The following AGBL4 variants were observed in gnomAD, a reference collection of about 807,000 sequenced individuals.
AGBL4 encodes AGBL carboxypeptidase 4, also known as cytosolic carboxypeptidase 6.
A neutral mutation model predicts 66.4 loss-of-function variants in AGBL4; 58 were observed. That is an observed-to-expected ratio of 0.87 (90% CI 0.71 to 1.09). The LOEUF is 1.09. Among genes scored for constraint, AGBL4 ranks in the 50% least tolerant of loss-of-function variants. AGBL4 has a pLI of 0.00. For synonymous variants in AGBL4, 234 were observed against 222.9 expected, an observed-to-expected ratio of 1.05 and a Z score of -0.44; for missense variants, 579 against 631.0, an observed-to-expected ratio of 0.92 and a Z score of 0.88.
chr1:48,848,818 T>C (rs952098627), intron 6 of AGBL4, among the ~76,000 whole-genome samples: 5 of 152,202 alleles, frequency 3.3e-5, no homozygotes, highest in African/African-American at 1.2e-4. Flanking sequence ...CAACGTTCAA[T>C]GGAGCCGCAC....
rs184653243 is a variant in AGBL4 at position 49,292,202 on chromosome 1, C to T, written c.283-46338G>A. On this transcript the variant is annotated intron_variant, in intron 3 of 13. Transcript: ENST00000371839. ...ACCAGCCCCCTGCCACCTCAGCCCA[C>T]TCCAGTCTTTGGGCACCAACAAGCA... 5.2e-3 allele frequency among the ~76,000 whole-genome samples: 794 copies of T among 152,340 alleles called. 6 individuals are homozygous for T. The highest frequency in any genetic ancestry group is 0.017 in the Middle Eastern group (5 of 294).
chr1:49,022,098 A>G (rs1462564426), intron 5 of AGBL4, among the ~76,000 whole-genome samples: 1 of 152,228 alleles, frequency 6.6e-6, no homozygotes, highest in Non-Finnish European at 1.5e-5. Flanking sequence ...GCTGATTCAA[A>G]TGGTTGCAGT....
chr1:49,167,915 A>T (rs1646663284), intron 4 of AGBL4, among the ~76,000 whole-genome samples: 1 of 152,154 alleles, frequency 6.6e-6, no homozygotes, highest in South Asian at 2.1e-4. Context: ...ATACTATTTT[A>T]AAAATAATAA....
chr1:50,000,127 A>G (rs1412176174), intron 1 of AGBL4, among the ~76,000 whole-genome samples: 1 of 152,198 alleles, frequency 6.6e-6, no homozygotes, highest in African/African-American at 2.4e-5. Context: ...TCAGCAGACT[A>G]AACAGACAAC....
At chr1:49,803,371 C>T (rs998893224) in intron 2 of AGBL4, among the ~76,000 whole-genome samples, 4 of 152,142 alleles carry the variant, frequency 2.6e-5, no homozygotes, top group African/African-American at 7.2e-5. Flanking sequence ...GCTCTCTCTA[C>T]TTTTGTCTCT....
intron 5 of AGBL4, among the ~76,000 whole-genome samples, chr1:48,899,339 T>C (rs1182833461): frequency 2.0e-5 from 3 of 152,232 alleles, no homozygotes; most frequent in Non-Finnish European, 2.9e-5. Context: ...GAAAATGAAA[T>C]GAAGCAAAGG....
Position 49,442,085 on chromosome 1 carries a change from G to C in AGBL4, c.283-196221C>G, listed in dbSNP as rs368404382. 1.4e-3 allele frequency among the ~76,000 whole-genome samples: 209 copies of C among 152,284 alleles called. 1 individual carries two copies. Among genetic ancestry groups the C allele is most frequent in the African/African-American group, 4.7e-3 (196 of 41,556 alleles). On this transcript the variant is annotated intron_variant, in intron 3 of 13. Transcript: ENST00000371839. ...ATTTACTATAATGGATCCAGTAGGA[G>C]ATCCAGTGTTGTCTTATTTAAGTTT...
intron 1 of AGBL4, among the ~76,000 whole-genome samples, chr1:49,919,271 A>G (rs1353273645): frequency 1.3e-5 from 2 of 152,196 alleles, no homozygotes; most frequent in Non-Finnish European, 2.9e-5. Flanking sequence ...AGGGGATTCA[A>G]TTAGGAAAAC....
intron 4 of AGBL4, among the ~76,000 whole-genome samples, chr1:49,164,481 G>A (rs192391084): frequency 6.0e-4 from 92 of 152,170 alleles, no homozygotes; most frequent in African/African-American, 1.7e-3. Flanking sequence ...ACAAAGAAGC[G>A]CACAAGCAAC....
intron 1 of AGBL4, among the ~76,000 whole-genome samples, chr1:49,865,481 AC>A (rs1646678434): frequency 6.6e-6 from 1 of 152,154 alleles, no homozygotes; most frequent in Admixed American, 6.5e-5. Context: ...TCTGGAGCAG[AC>A]CCTCAGAAAA....
chr1:49,268,862 A>C, intron 3 of AGBL4, among the ~76,000 whole-genome samples: 1 of 152,198 alleles, frequency 6.6e-6, no homozygotes. Flanking sequence ...AAAATTGTTC[A>C]GAACTATTCT....
At chr1:49,658,238 C>G (rs1646189517) in intron 3 of AGBL4, among the ~76,000 whole-genome samples, 2 of 152,102 alleles carry the variant, frequency 1.3e-5, no homozygotes, top group Non-Finnish European at 1.5e-5. Flanking sequence ...ATTTATGCAG[C>G]CAACAGACAC....
chr1:49,535,292 C>T (rs979220557), intron 3 of AGBL4, among the ~76,000 whole-genome samples: 1 of 149,426 alleles, frequency 6.7e-6, no homozygotes, highest in Admixed American at 6.7e-5. Flanking sequence ...ATATTACAAA[C>T]CTATCTCATT....
intron 1 of AGBL4, among the ~76,000 whole-genome samples, chr1:49,973,642 CATAA>C (rs1658321901): frequency 6.8e-6 from 1 of 147,194 alleles, no homozygotes; most frequent in South Asian, 2.1e-4. Flanking sequence ...TTATATATAT[CATAA>C]ATAATTATAT....
intron 5 of AGBL4, among the ~76,000 whole-genome samples, chr1:48,941,156 C>G (rs145989054): frequency 4.4e-4 from 67 of 152,242 alleles, no homozygotes; most frequent in African/African-American, 1.4e-3. Context: ...GTGGTGGCTC[C>G]TAGTATAGTG....
At chr1:49,235,535 T>C (rs770853468) in intron 4 of AGBL4, among the ~76,000 whole-genome samples, 11 of 152,238 alleles carry the variant, frequency 7.2e-5, no homozygotes, top group Non-Finnish European at 1.3e-4. Context: ...CAAGGCTCTG[T>C]TGTGTACTTA....
intron 3 of AGBL4, among the ~76,000 whole-genome samples, chr1:49,447,422 A>G (rs1045736553): frequency 3.3e-5 from 5 of 152,148 alleles, no homozygotes; most frequent in Admixed American, 1.3e-4. Flanking sequence ...CCCTCTGAGT[A>G]GACACAGGAA....
At chr1:48,936,541 A>G (rs1255960040) in intron 5 of AGBL4, among the ~76,000 whole-genome samples, 1 of 152,174 alleles carries the variant, frequency 6.6e-6, no homozygotes. Flanking sequence ...CACACAGCTC[A>G]GAAGAACTGC....
intron 6 of AGBL4, among the ~76,000 whole-genome samples, chr1:48,778,802 A>T (rs1376235007): frequency 6.6e-6 from 1 of 152,238 alleles, no homozygotes; most frequent in Admixed American, 6.5e-5. Context: ...TTTCACTGTG[A>T]AATAGACAGT....
Sources: allele counts gnomAD v4.1 joint callset (sites outside exome capture counted in the v4.1 genomes callset), GRCh38; gene constraint gnomAD v4.1.1; transcripts MANE v1.5; gene names NCBI Gene and HGNC (gene_info 2026-07-23, HGNC 2026-07-21).